Variants in UQCC1 observed in about 807,000 individuals in gnomAD.
UQCC1 encodes bFGF-repressed Zic-binding protein.
Under a neutral mutation model 48.0 loss-of-function variants are expected in UQCC1, and 38 were observed. That is an observed-to-expected ratio of 0.79 (90% CI 0.61 to 1.04). UQCC1 has a LOEUF of 1.04. Among genes scored for constraint, UQCC1 ranks in the 50% least tolerant of loss-of-function variants. The pLI is 0.00. For synonymous variants in UQCC1, 111 were observed against 129.2 expected, an observed-to-expected ratio of 0.86 and a Z score of 0.95; for missense variants, 368 against 381.8, an observed-to-expected ratio of 0.96 and a Z score of 0.30.
At chr20:35,309,393 G>T (rs908627285) in intron 8 of UQCC1, among the ~76,000 whole-genome samples, 2 of 151,914 alleles carry the variant, frequency 1.3e-5, no homozygotes, top group Non-Finnish European at 2.9e-5. Context: ...TGATCACACT[G>T]CTGCACTCCA....
intron 6 of UQCC1, among the ~76,000 whole-genome samples, chr20:35,359,379 T>C (rs1406629485): frequency 6.6e-6 from 1 of 152,190 alleles, no homozygotes; most frequent in African/African-American, 2.4e-5. Context: ...ACCAAGAACC[T>C]CTTCCTGCTA....
chr20:35,376,975 A>G (rs2061809500), intron 4 of UQCC1, among the ~76,000 whole-genome samples: 1 of 152,004 alleles, frequency 6.6e-6, no homozygotes, highest in Non-Finnish European at 1.5e-5. Flanking sequence ...AAACAAAAAA[A>G]AAAAGAAAAA....
chr20:35,303,862 C>G lies in UQCC1; in HGVS notation c.*73G>C, dbSNP rs142112574. Reference sequence around the variant, plus strand: ...AGTTCAGGCCACTTTCTGCAGGGTCCTGGACCAACAGGCACTTCTCTCCTG... The same window carrying G: ...AGTTCAGGCCACTTTCTGCAGGGTCGTGGACCAACAGGCACTTCTCTCCTG... On this transcript the variant is annotated 3_prime_UTR_variant, in exon 10 of 10. Transcript: ENST00000374385. The G allele has an allele frequency of 2.7e-4, 429 of 1,609,470 alleles. 4 individuals are homozygous for G. In the East Asian group the frequency reaches 8.5e-3, roughly 32 times the overall value.
intron 1 of UQCC1, among the ~76,000 whole-genome samples, chr20:35,410,755 T>TA (rs57478774): frequency 0.071 from 2,864 of 40,494 alleles, 98 homozygotes; most frequent in African/African-American, 0.15. Flanking sequence ...GGGGAAGGAT[T>TA]AAAAAAAAAA....
At chr20:35,369,534 G>A (rs1444703247) in intron 5 of UQCC1, among the ~76,000 whole-genome samples, 1 of 152,200 alleles carries the variant, frequency 6.6e-6, no homozygotes, top group Non-Finnish European at 1.5e-5. Context: ...TGGGGTGGCA[G>A]CATAACACAG....
chr20:35,304,039 C>T lies in UQCC1; in HGVS notation c.796G>A (p.Asp266Asn). 6.2e-7 allele frequency: 1 copy of T among 1,614,150 alleles called. No individual in the cohort carries two copies. The highest frequency in any genetic ancestry group is 8.5e-7 in the Non-Finnish European group (1 of 1,180,018). The change falls in exon 10 of 10, where the codon GAT (aspartate) becomes AAT (asparagine). Residue 266 changes from aspartate (D) to asparagine (N), a missense_variant. Coordinates refer to ENST00000374385, the MANE Select transcript of UQCC1 (RefSeq NM_018244.5). Reference protein sequence around the residue: ...IQYLDSMNGEDLLLTGEVSWR... With the variant: ...IQYLDSMNGENLLLTGEVSWR... ...CTCACCTCCCCTGTCAGAAGCAGATCCTCCCCGTTCATGGAGTCCAGGTAC... is the reference window on the plus strand; with the variant it reads ...CTCACCTCCCCTGTCAGAAGCAGATTCTCCCCGTTCATGGAGTCCAGGTAC...
intron 2 of UQCC1, among the ~76,000 whole-genome samples, chr20:35,385,608 T>C (rs2061932517): frequency 6.6e-6 from 1 of 152,166 alleles, no homozygotes; most frequent in African/African-American, 2.4e-5. Flanking sequence ...CTCAAGCAAT[T>C]CTCCTGCCTC....
intron 2 of UQCC1, chr20:35,392,351 A>C: frequency 8.4e-7 from 1 of 1,186,082 alleles, no homozygotes; most frequent in South Asian, 1.3e-5. Flanking sequence ...CAATGACTAA[A>C]ATTACATCTG....
At chr20:35,398,232 A>G (rs950772912) in intron 1 of UQCC1, among the ~76,000 whole-genome samples, 3 of 152,238 alleles carry the variant, frequency 2.0e-5, no homozygotes, top group Non-Finnish European at 4.4e-5. Context: ...CATATTGTGG[A>G]AAGTGCCACA....
At chr20:35,325,285 CTG>C (rs912003012) in intron 7 of UQCC1, among the ~76,000 whole-genome samples, 19 of 152,194 alleles carry the variant, frequency 1.2e-4, no homozygotes, top group African/African-American at 4.3e-4. Flanking sequence ...TTACACAACA[CTG>C]TGAATGTACT....
chr20:35,379,946 T>G (rs2061846770), intron 4 of UQCC1, among the ~76,000 whole-genome samples: 1 of 152,162 alleles, frequency 6.6e-6, no homozygotes, highest in African/African-American at 2.4e-5. Context: ...GAGGCTAACT[T>G]AGGCTAAAAG....
intron 6 of UQCC1, among the ~76,000 whole-genome samples, chr20:35,349,866 G>A (rs1174382258): frequency 1.3e-5 from 2 of 152,218 alleles, no homozygotes; most frequent in East Asian, 3.9e-4. Flanking sequence ...GTGCCGTGGT[G>A]CATGCCTGTA....
chr20:35,309,175 GA>G (rs2060962316), intron 8 of UQCC1: 2 of 456,108 alleles, frequency 4.4e-6, no homozygotes, highest in Non-Finnish European at 4.4e-6. Flanking sequence ...CAGAATGGCT[GA>G]ATACCCAGCA....
At chr20:35,403,219 A>G (rs1236375358) in intron 1 of UQCC1, among the ~76,000 whole-genome samples, 1 of 152,206 alleles carries the variant, frequency 6.6e-6, no homozygotes, top group Non-Finnish European at 1.5e-5. Flanking sequence ...CTATCAGAGA[A>G]AGGAGTTAAC....
At chr20:35,342,317 G>C (rs773629890) in intron 7 of UQCC1, among the ~76,000 whole-genome samples, 1 of 152,260 alleles carries the variant, frequency 6.6e-6, no homozygotes, top group Non-Finnish European at 1.5e-5. Flanking sequence ...GCAGAACTGA[G>C]AGGAAGTCGT....
At chr20:35,338,342 AAGAC>A (rs776187200) in intron 7 of UQCC1, among the ~76,000 whole-genome samples, 7 of 152,104 alleles carry the variant, frequency 4.6e-5, no homozygotes, top group South Asian at 2.1e-4. Context: ...CCTTGGTAAT[AAGAC>A]AGGAGAAAAG....
chr20:35,391,881 A>G (rs1024505961), intron 2 of UQCC1, among the ~76,000 whole-genome samples: 1 of 152,202 alleles, frequency 6.6e-6, no homozygotes, highest in Non-Finnish European at 1.5e-5. Context: ...CTACTTTTAC[A>G]ACTCTTACAT....
intron 5 of UQCC1, among the ~76,000 whole-genome samples, chr20:35,372,155 C>CA (rs915227527): frequency 2.0e-5 from 3 of 151,060 alleles, no homozygotes; most frequent in Non-Finnish European, 3.0e-5. Context: ...ACTAAAAGTA[C>CA]AAAAAAATTA....
At chr20:35,309,882 T>C (rs1436934536) in intron 8 of UQCC1, among the ~76,000 whole-genome samples, 1 of 152,228 alleles carries the variant, frequency 6.6e-6, no homozygotes, top group Non-Finnish European at 1.5e-5. Context: ...ACTTGCAATC[T>C]AGCTGAAGGG....
Sources: gnomAD v4.1 joint callset for allele counts (sites outside exome capture counted in the v4.1 genomes callset) on GRCh38, gnomAD v4.1.1 for gene constraint, MANE v1.5 for transcripts, NCBI Gene and HGNC (gene_info 2026-07-23, HGNC 2026-07-21) for gene names.